The following PLEKHA7 variants were observed in gnomAD, a reference collection of about 807,000 sequenced individuals.
PLEKHA7 encodes the protein pleckstrin homology domain containing A7, also known as pleckstrin homology domain-containing family A member 7.
PLEKHA7 carries 104 observed loss-of-function variants against 170.0 expected under a neutral mutation model. The observed-to-expected ratio is 0.61, with a 90% CI of 0.52 to 0.72. The LOEUF (loss-of-function observed/expected upper bound fraction) is 0.72, where lower values mean the gene tolerates loss of function less well. Among genes scored for constraint, PLEKHA7 ranks in the 30% least tolerant of loss-of-function variants. PLEKHA7 has a pLI of 0.00. For missense variants in PLEKHA7, 1,615 were observed against 1,671.7 expected (o/e 0.97, Z 0.59); for synonymous variants, 648 against 660.8 (o/e 0.98, Z 0.30).
intron 3 of PLEKHA7, among the ~76,000 whole-genome samples, chr11:16,991,675 G>A (rs556453938): frequency 1.3e-5 from 2 of 152,288 alleles, no homozygotes; most frequent in African/African-American, 2.4e-5. Context: ...GGGTTGGAGA[G>A]GGGACAAGAT....
chr11:16,909,565 T>C (rs568684442), intron 3 of PLEKHA7, among the ~76,000 whole-genome samples: 15 of 152,182 alleles, frequency 9.9e-5, no homozygotes, highest in Non-Finnish European at 2.2e-4. Flanking sequence ...GTGCAAATAC[T>C]GTGCTGAGAG....
chr11:16,965,399 A>G (rs1862312805), intron 3 of PLEKHA7, among the ~76,000 whole-genome samples: 1 of 152,162 alleles, frequency 6.6e-6, no homozygotes, highest in South Asian at 2.1e-4. Flanking sequence ...CTGAATTTTA[A>G]TGTATTGTGT....
At chr11:16,798,003 G>C (rs1848352651) in intron 17 of PLEKHA7, among the ~76,000 whole-genome samples, 1 of 152,208 alleles carries the variant, frequency 6.6e-6, no homozygotes, top group Non-Finnish European at 1.5e-5. Flanking sequence ...TGAGGGGGTG[G>C]AGTTTCATTC....
At chr11:16,905,950 TTCCTTGATAGC>T (rs532969511) in intron 3 of PLEKHA7, among the ~76,000 whole-genome samples, 171 of 152,258 alleles carry the variant, frequency 1.1e-3, no homozygotes, top group African/African-American at 3.8e-3. Flanking sequence ...AGGCTGTGCT[TTCCTTGATAGC>T]AGCCCTCTAG....
At chr11:16,809,207 C>T (rs1301561195) in intron 13 of PLEKHA7, among the ~76,000 whole-genome samples, 1 of 152,192 alleles carries the variant, frequency 6.6e-6, no homozygotes, top group Non-Finnish European at 1.5e-5. Context: ...TGTATGATTA[C>T]TTGGCACCCC....
At chr11:16,838,024 C>G (rs140876437) in intron 9 of PLEKHA7, among the ~76,000 whole-genome samples, 146 of 152,252 alleles carry the variant, frequency 9.6e-4, no homozygotes, top group African/African-American at 3.5e-3. Flanking sequence ...TGGCAAACAG[C>G]ATTCTGATTT....
At chr11:16,881,102 T>A (rs540818319) in intron 3 of PLEKHA7, among the ~76,000 whole-genome samples, 5 of 152,150 alleles carry the variant, frequency 3.3e-5, no homozygotes, top group African/African-American at 1.2e-4. Flanking sequence ...CCCAATTACA[T>A]TGGATGGTGG....
chr11:16,893,471 T>C (rs1856803955), intron 3 of PLEKHA7, among the ~76,000 whole-genome samples: 1 of 152,188 alleles, frequency 6.6e-6, no homozygotes, highest in South Asian at 2.1e-4. Context: ...GGTGCTGCCC[T>C]GCAACTAAAT....
chr11:16,786,508 G>GT, intron 23 of PLEKHA7, 121 bp from the exon 24 acceptor site: 1 of 1,484,986 alleles, frequency 6.7e-7, no homozygotes, highest in East Asian at 2.5e-5. Context: ...GGGAAAAGCT[G>GT]TATGTGCAAT....
intron 3 of PLEKHA7, among the ~76,000 whole-genome samples, chr11:17,000,106 CAG>C (rs1864576389): frequency 6.6e-6 from 1 of 152,144 alleles, no homozygotes; most frequent in African/African-American, 2.4e-5. Context: ...TTTTTTGAGA[CAG>C]AGTCTCACTC....
At chr11:16,931,839 C>T (rs1049484202) in intron 3 of PLEKHA7, among the ~76,000 whole-genome samples, 1 of 151,126 alleles carries the variant, frequency 6.6e-6, no homozygotes. Context: ...CTTTTGGATT[C>T]TTAGTTCTCC....
chr11:16,959,036 C>T (rs766768657), intron 3 of PLEKHA7, among the ~76,000 whole-genome samples: 4 of 152,186 alleles, frequency 2.6e-5, no homozygotes, highest in Admixed American at 6.5e-5. Context: ...CCCTTTCAGA[C>T]GTTAGCCCAG....
chr11:16,920,908 C>T (rs1291993311), intron 3 of PLEKHA7, among the ~76,000 whole-genome samples: 1 of 152,216 alleles, frequency 6.6e-6, no homozygotes, highest in Non-Finnish European at 1.5e-5. Context: ...TGGTGTCACA[C>T]CTGCATAAAT....
chr11:16,922,967 TC>T (rs1462900985), intron 3 of PLEKHA7, among the ~76,000 whole-genome samples: 1 of 152,146 alleles, frequency 6.6e-6, no homozygotes, highest in Non-Finnish European at 1.5e-5. Flanking sequence ...ATGGGGAATT[TC>T]CAAGCTAGCC....
intron 10 of PLEKHA7, among the ~76,000 whole-genome samples, chr11:16,820,529 C>T (rs1358059771): frequency 1.3e-5 from 2 of 151,916 alleles, no homozygotes; most frequent in Non-Finnish European, 2.9e-5. Flanking sequence ...CGGGGCAGTG[C>T]CTGAATCCTC....
At chr11:16,905,943 C>T (rs971869918) in intron 3 of PLEKHA7, among the ~76,000 whole-genome samples, 7 of 152,134 alleles carry the variant, frequency 4.6e-5, no homozygotes, top group African/African-American at 1.7e-4. Flanking sequence ...TCTCTGAAGG[C>T]TGTGCTTTCC....
chr11:16,801,205 G>A, intron 16 of PLEKHA7, 130 bp from the exon 17 acceptor site: 1 of 772,218 alleles, frequency 1.3e-6, no homozygotes, highest in Non-Finnish European at 2.2e-6. Context: ...CAGGCCTGGT[G>A]GGAGAGAGAG....
chr11:16,857,158 G>A (rs939690419), intron 4 of PLEKHA7, among the ~76,000 whole-genome samples: 3 of 152,308 alleles, frequency 2.0e-5, no homozygotes, highest in Admixed American at 2.0e-4. Context: ...TTCTGTGCCC[G>A]GAGACAGAGC....
intron 10 of PLEKHA7, among the ~76,000 whole-genome samples, chr11:16,818,233 T>C (rs1849924061): frequency 6.6e-6 from 1 of 152,228 alleles, no homozygotes; most frequent in Admixed American, 6.5e-5. Context: ...ACCTGACTGC[T>C]CTGACCTTCC....
Sources: gnomAD v4.1 joint callset for allele counts (sites outside exome capture counted in the v4.1 genomes callset) on GRCh38, gnomAD v4.1.1 for gene constraint, MANE v1.5 for transcripts, NCBI Gene and HGNC (gene_info 2026-07-23, HGNC 2026-07-21) for gene names.